MAN1A1: variants seen among roughly 807,000 people sequenced by gnomAD.
The protein encoded by MAN1A1 is mannosidase alpha class 1A member 1.
A neutral mutation model predicts 70.8 loss-of-function variants in MAN1A1; 29 were observed. The observed-to-expected ratio is 0.41, with a 90% CI of 0.31 to 0.56. The LOEUF (loss-of-function observed/expected upper bound fraction) is 0.56. Ranked by LOEUF, MAN1A1 falls within the 20% of genes least tolerant of loss-of-function variation. The pLI is 0.29. For synonymous variants in MAN1A1, 349 were observed against 330.1 expected, an observed-to-expected ratio of 1.06 and a Z score of -0.62; for missense variants, 747 against 841.3, an observed-to-expected ratio of 0.89 and a Z score of 1.39.
intron 6 of MAN1A1, among the ~76,000 whole-genome samples, chr6:119,239,230 A>C (rs1459999711): frequency 6.6e-6 from 1 of 152,188 alleles, no homozygotes; most frequent in East Asian, 1.9e-4. Context: ...ACAATTCTCC[A>C]CCTTATAGAT....
At chr6:119,295,590 C>G (rs942249981) in intron 4 of MAN1A1, among the ~76,000 whole-genome samples, 16 of 152,154 alleles carry the variant, frequency 1.1e-4, no homozygotes, top group South Asian at 6.2e-4. Context: ...AAAAATATTT[C>G]TTGGAAAAGA....
rs190511288 is a variant in MAN1A1, at chr6:119,240,694, A to C, written c.992+7566T>G. Reference sequence around the variant, plus strand: ...CCTACCGCCTCACAATGCATGACTAAGAACATCCTTTGTTCAGACTTCCTT... The same window carrying C: ...CCTACCGCCTCACAATGCATGACTACGAACATCCTTTGTTCAGACTTCCTT... On this transcript the variant is annotated intron_variant, in intron 6 of 12. Coordinates refer to ENST00000368468, the MANE Select transcript of MAN1A1 (RefSeq NM_005907.4). Among the ~76,000 whole-genome samples the C allele has an allele frequency of 1.8e-3, 274 of 152,350 alleles. 1 individual carries two copies. The highest frequency in any genetic ancestry group is 6.4e-3 in the African/African-American group (267 of 41,588).
intron 6 of MAN1A1, among the ~76,000 whole-genome samples, chr6:119,206,627 T>G (rs1006242767): frequency 2.6e-5 from 4 of 152,224 alleles, no homozygotes; most frequent in African/African-American, 9.6e-5. Flanking sequence ...TGAGTCAGGT[T>G]TTATTTTCAT....
In MAN1A1 at chr6:119,302,077, C is replaced by G; in HGVS notation, c.727G>C (p.Asp243His). The change falls in exon 4 of 13, where the codon GAT becomes CAT. Residue 243 changes from aspartate to histidine, a missense_variant. Physicochemically the swap from Asp to His is moderately conservative, Grantham distance 81. Around this residue, in one of 2 missense-constraint regions of MAN1A1, gnomAD observed 419 missense variants for 548.2 expected, o/e 0.76. Coordinates refer to ENST00000368468, the MANE Select transcript of MAN1A1 (RefSeq NM_005907.4). ...FGNIKGATIV[D>H]ALDTLFIMEM... is the part of the protein sequence containing the mutation. ...ATAATAAAAAGTGTATCCAGGGCAT[C>G]TACTATAGTTGCTCCTTTGATGTTA... 6.2e-7 allele frequency: 1 copy of G among 1,603,834 alleles called. No individual in the cohort carries two copies. The highest frequency in any genetic ancestry group is 1.1e-5 in the South Asian group (1 of 90,578).
intron 2 of MAN1A1, among the ~76,000 whole-genome samples, chr6:119,335,372 A>C (rs2114499628): frequency 6.6e-6 from 1 of 152,350 alleles, no homozygotes. Context: ...ACTCTGAAAA[A>C]GAGGAATTAT....
At chr6:119,336,315 C>T (rs1458233951) in intron 2 of MAN1A1, among the ~76,000 whole-genome samples, 1 of 152,112 alleles carries the variant, frequency 6.6e-6, no homozygotes, top group Non-Finnish European at 1.5e-5. Flanking sequence ...AGTGATCCTC[C>T]CTTCGGCCTC....
intron 2 of MAN1A1, among the ~76,000 whole-genome samples, chr6:119,344,294 C>T (rs983457884): frequency 6.6e-6 from 1 of 152,226 alleles, no homozygotes; most frequent in East Asian, 1.9e-4. Context: ...AAACTATCAA[C>T]AGCTTACAGA....
At position 119,243,561 on chromosome 6, in the gene MAN1A1, A is replaced by G. The variant is rs189805388; in HGVS notation, c.992+4699T>C. Among the ~76,000 whole-genome samples, 894 of 152,242 alleles carry G rather than the reference A, an allele frequency of 5.9e-3. 8 individuals carry two copies. Among genetic ancestry groups the G allele is most frequent in the African/African-American group, 0.02 (849 of 41,574 alleles). ...CACCAAAGTATTAATAAACCCAACA[A>G]GGGGGCTATCACCTTTTCTTAAAAT... On this transcript the variant is annotated intron_variant, in intron 6 of 12. Transcript: ENST00000368468.
At chr6:119,253,533 A>G (rs1020834427) in intron 5 of MAN1A1, among the ~76,000 whole-genome samples, 6 of 152,206 alleles carry the variant, frequency 3.9e-5, no homozygotes, top group Non-Finnish European at 8.8e-5. Flanking sequence ...AACTTTTTGC[A>G]GGGAAAACAT....
intron 2 of MAN1A1, among the ~76,000 whole-genome samples, chr6:119,343,156 C>T (rs1374687871): frequency 1.3e-5 from 2 of 150,634 alleles, no homozygotes; most frequent in Non-Finnish European, 3.0e-5. Flanking sequence ...AAAAGAAAAA[C>T]CACCAACTTA....
intron 11 of MAN1A1, among the ~76,000 whole-genome samples, chr6:119,183,666 T>A (rs1367360118): frequency 6.6e-6 from 1 of 152,148 alleles, no homozygotes; most frequent in East Asian, 1.9e-4. Flanking sequence ...TGCTCTAAGC[T>A]CCTTCTTTTG....
chr6:119,245,273 T>C, intron 6 of MAN1A1, among the ~76,000 whole-genome samples: 1 of 152,150 alleles, frequency 6.6e-6, no homozygotes. Flanking sequence ...AGAAGGTAAT[T>C]AAGAAAATAT....
At chr6:119,233,705 C>T (rs192649036) in intron 6 of MAN1A1, among the ~76,000 whole-genome samples, 9 of 152,278 alleles carry the variant, frequency 5.9e-5, no homozygotes, top group Admixed American at 2.0e-4. Flanking sequence ...ACATACATTG[C>T]TCCCATCCCT....
At chr6:119,342,620 C>T (rs1773626302) in intron 2 of MAN1A1, among the ~76,000 whole-genome samples, 1 of 152,158 alleles carries the variant, frequency 6.6e-6, no homozygotes, top group East Asian at 1.9e-4. Flanking sequence ...CCCTTCTAAC[C>T]ACTACATTGC....
chr6:119,207,793 G>GT (rs886798119), intron 6 of MAN1A1, among the ~76,000 whole-genome samples: 1 of 152,206 alleles, frequency 6.6e-6, no homozygotes, highest in Non-Finnish European at 1.5e-5. Flanking sequence ...TGAGGCCAGA[G>GT]TAAGAGTTCA....
chr6:119,238,485 T>C (rs1278655513), intron 6 of MAN1A1, among the ~76,000 whole-genome samples: 1 of 152,232 alleles, frequency 6.6e-6, no homozygotes, highest in African/African-American at 2.4e-5. Flanking sequence ...TAGTTTTTAA[T>C]GTACTTTGGG....
At chr6:119,323,456 AATCAATT>A (rs1562242312) in intron 2 of MAN1A1, among the ~76,000 whole-genome samples, 6 of 152,208 alleles carry the variant, frequency 3.9e-5, no homozygotes, top group Non-Finnish European at 7.4e-5. Flanking sequence ...TGTATCATGT[AATCAATT>A]ATCAAGTATT....
chr6:119,315,221 A>T (rs867983763), intron 2 of MAN1A1, among the ~76,000 whole-genome samples: 1 of 152,208 alleles, frequency 6.6e-6, no homozygotes, highest in Non-Finnish European at 1.5e-5. Context: ...ATTTTAATGT[A>T]CTTCTAAGTT....
At chr6:119,185,599 T>TG (rs981239623) in intron 11 of MAN1A1, among the ~76,000 whole-genome samples, 3 of 152,110 alleles carry the variant, frequency 2.0e-5, no homozygotes, top group African/African-American at 7.2e-5. Flanking sequence ...TTTTTGGAGT[T>TG]GGAGTCTTGC....
Sources: gnomAD v4.1 joint callset for allele counts (sites outside exome capture counted in the v4.1 genomes callset) on GRCh38, gnomAD v4.1.1 for gene constraint, gnomAD v4.1.1 regional missense constraint, MANE v1.5 for transcripts, NCBI Gene and HGNC (gene_info 2026-07-23, HGNC 2026-07-21) for gene names.